Variants in KLF8 observed in about 807,000 individuals in gnomAD.
KLF8 encodes Krueppel-like factor 8.
A neutral mutation model predicts 18.2 loss-of-function variants in KLF8; 10 were observed. The observed-to-expected ratio is 0.55, with a 90% CI of 0.34 to 0.93. The LOEUF is 0.93. Ranked by LOEUF, KLF8 falls within the 40% of genes least tolerant of loss-of-function variation. The pLI is 0.02. For missense variants in KLF8, 264 were observed against 277.9 expected (o/e 0.95, Z 0.36); for synonymous variants, 109 against 97.3 (o/e 1.12, Z -0.71).
chrX:56,171,840 C>T, the KLF8 span, among the ~76,000 whole-genome samples: 5 of 111,755 alleles, frequency 4.5e-5, no homozygotes, highest in African/African-American at 1.3e-4. Context: ...CATACGTGTG[C>T]ATGTGTCTTT....
At chrX:56,030,624 G>A in the KLF8 span, among the ~76,000 whole-genome samples, 1 of 109,532 alleles carries the variant, frequency 9.1e-6, no homozygotes, top group African/African-American at 3.3e-5. Flanking sequence ...TTGTGTTCCA[G>A]TCTTGGGCTG....
chrX:56,058,948 A>G, the KLF8 span, among the ~76,000 whole-genome samples: 1 of 111,809 alleles, frequency 8.9e-6, no homozygotes, highest in Non-Finnish European at 1.9e-5. Context: ...CAATGGTTGA[A>G]CTAATTGCCA....
the KLF8 span, among the ~76,000 whole-genome samples, chrX:55,986,098 A>G: frequency 1.8e-5 from 2 of 111,461 alleles, no homozygotes; most frequent in Non-Finnish European, 3.8e-5. Flanking sequence ...AGATGATTTG[A>G]CTTCCTCTCT....
chrX:56,160,789 G>A, the KLF8 span, among the ~76,000 whole-genome samples: 54 of 110,938 alleles, frequency 4.9e-4, no homozygotes, highest in East Asian at 2.8e-3. Context: ...GTGTCTCTGC[G>A]CGTGAGATGG....
the KLF8 span, among the ~76,000 whole-genome samples, chrX:56,181,066 A>G: frequency 9.0e-6 from 1 of 111,364 alleles, no homozygotes; most frequent in East Asian, 2.8e-4. Context: ...GTGGGGTACT[A>G]AAGTCTCCCA....
At chrX:56,012,346 A>C in the KLF8 span, among the ~76,000 whole-genome samples, 1 of 112,066 alleles carries the variant, frequency 8.9e-6, no homozygotes, top group Non-Finnish European at 1.9e-5. Flanking sequence ...AGACAAAAAC[A>C]CATGATTAAC....
At chrX:55,977,205 G>C in the KLF8 span, among the ~76,000 whole-genome samples, 7 of 111,855 alleles carry the variant, frequency 6.3e-5, no homozygotes, top group Non-Finnish European at 1.1e-4. Flanking sequence ...TCTAATCTTA[G>C]AGAAAAAGTC....
At chrX:55,923,014 G>C in the KLF8 span, among the ~76,000 whole-genome samples, 1 of 111,197 alleles carries the variant, frequency 9.0e-6, no homozygotes, top group African/African-American at 3.3e-5. Context: ...ATTTTATAAA[G>C]ATATATGTAT....
chrX:56,173,758 A>G, the KLF8 span, among the ~76,000 whole-genome samples: 17 of 111,344 alleles, frequency 1.5e-4, no homozygotes, highest in African/African-American at 5.5e-4. Context: ...ATTTGTTTGT[A>G]TCCTCTTTTA....
At chrX:56,167,559 G>A in the KLF8 span, among the ~76,000 whole-genome samples, 1 of 111,994 alleles carries the variant, frequency 8.9e-6, no homozygotes, top group Non-Finnish European at 1.9e-5. Flanking sequence ...TTGGCTTCAA[G>A]AGAGCCAACT....
the KLF8 span, among the ~76,000 whole-genome samples, chrX:56,040,841 T>G: frequency 1.8e-5 from 1 of 55,385 alleles, no homozygotes; most frequent in African/African-American, 1.0e-4. Flanking sequence ...TTTTTTTTTT[T>G]GGTACCTTTG....
chrX:56,106,010 G>T, the KLF8 span, among the ~76,000 whole-genome samples: 2 of 111,604 alleles, frequency 1.8e-5, no homozygotes, highest in African/African-American at 6.5e-5. Flanking sequence ...ATTCTGGGTT[G>T]AAAATTCTTT....
chrX:55,959,664 G>C, the KLF8 span, among the ~76,000 whole-genome samples: 2 of 111,369 alleles, frequency 1.8e-5, no homozygotes, highest in African/African-American at 6.5e-5. Context: ...GAGCTCAAAG[G>C]CTGCTTCTTC....
the KLF8 span, among the ~76,000 whole-genome samples, chrX:55,999,057 GT>G: frequency 9.1e-6 from 1 of 109,308 alleles, no homozygotes; most frequent in African/African-American, 3.3e-5. Flanking sequence ...ACTTTGGCTT[GT>G]GGCTATTTAG....
the KLF8 span, among the ~76,000 whole-genome samples, chrX:56,058,014 G>T: frequency 9.6e-6 from 1 of 103,925 alleles, no homozygotes; most frequent in Non-Finnish European, 2.0e-5. Flanking sequence ...GTTACTGGCG[G>T]CCAGGAACAA....
the KLF8 span, among the ~76,000 whole-genome samples, chrX:56,214,496 C>T: frequency 8.9e-6 from 1 of 112,230 alleles, no homozygotes; most frequent in African/African-American, 3.2e-5. Flanking sequence ...TGAAATAGGG[C>T]TATCACAGAT....
the KLF8 span, among the ~76,000 whole-genome samples, chrX:55,969,170 C>T: frequency 1.8e-5 from 2 of 111,883 alleles, no homozygotes; most frequent in African/African-American, 3.2e-5. Flanking sequence ...CTCCTTAGCA[C>T]ATGGTTCAGT....
chrX:55,937,298 C>A, the KLF8 span, among the ~76,000 whole-genome samples: 7 of 112,213 alleles, frequency 6.2e-5, 1 homozygote, highest in Admixed American at 6.6e-4. Flanking sequence ...CTCCAACAAA[C>A]CTGCAGCTGA....
At chrX:56,123,144 G>A in the KLF8 span, among the ~76,000 whole-genome samples, 3 of 109,970 alleles carry the variant, frequency 2.7e-5, no homozygotes, top group Non-Finnish European at 5.7e-5. Context: ...TCCTCATTAT[G>A]CTTCCTTTCA....
Sources: allele counts gnomAD v4.1 joint callset (sites outside exome capture counted in the v4.1 genomes callset), GRCh38; gene constraint gnomAD v4.1.1; transcripts MANE v1.5; gene names NCBI Gene and HGNC (gene_info 2026-07-23, HGNC 2026-07-21).